The following PEAK1 variants were observed in gnomAD, a reference collection of about 807,000 sequenced individuals.
PEAK1 encodes the protein pseudopodium enriched atypical kinase 1, also known as inactive tyrosine-protein kinase PEAK1.
A neutral mutation model predicts 124.7 loss-of-function variants in PEAK1; 54 were observed. The ratio of observed to expected loss-of-function variants is 0.43; its 90% confidence interval spans 0.35 to 0.54. The LOEUF (loss-of-function observed/expected upper bound fraction) is 0.54, where lower values mean the gene tolerates loss of function less well. Ranked by LOEUF, PEAK1 falls within the 20% of genes least tolerant of loss-of-function variation. The pLI, the probability that PEAK1 is intolerant of heterozygous loss-of-function variation, is 0.01. For missense variants in PEAK1, 2,046 were observed against 2,134.5 expected (o/e 0.96, Z 0.82); for synonymous variants, 719 against 760.0 (o/e 0.95, Z 0.89).
chr15:77,114,977 A>G lies in PEAK1; in HGVS notation c.4420T>C (p.Phe1474Leu). 6.2e-7 allele frequency: 1 copy of G among 1,614,082 alleles called. No homozygotes were observed. The highest frequency in any genetic ancestry group is 2.2e-5 in the East Asian group (1 of 44,862). ...TGCTGGGCCAGAGAGTCTCGCACAA[A>G]ATCAGCCACAGTAAGACATGGAACC... is the stretch of plus-strand genomic sequence containing the variant. ...REVPCLTVAD[F>L]VRDSLAQHGK... is the part of the protein sequence containing the mutation. Residue 1474 changes from phenylalanine to leucine, a missense_variant, in exon 10 of 10, where the codon TTT becomes CTT. Transcript: ENST00000682557.
intron 6 of PEAK1, among the ~76,000 whole-genome samples, chr15:77,208,997 T>G (rs918235631): frequency 6.6e-6 from 1 of 152,230 alleles, no homozygotes; most frequent in Non-Finnish European, 1.5e-5. Context: ...AGTCTGTTCT[T>G]AACTATTTTT....
chr15:77,229,117 G>A (rs1026169527), intron 6 of PEAK1, among the ~76,000 whole-genome samples: 4 of 152,230 alleles, frequency 2.6e-5, no homozygotes, highest in African/African-American at 9.6e-5. Flanking sequence ...AGACTGTGGA[G>A]TACTCAACAG....
chr15:77,171,929 C>T (rs1424053807), intron 7 of PEAK1, among the ~76,000 whole-genome samples: 2 of 151,884 alleles, frequency 1.3e-5, no homozygotes, highest in Non-Finnish European at 2.9e-5. Flanking sequence ...AACTGAATTG[C>T]CTTATTTGCT....
At chr15:77,269,621 G>C (rs2061926421) in intron 5 of PEAK1, among the ~76,000 whole-genome samples, 1 of 151,960 alleles carries the variant, frequency 6.6e-6, no homozygotes, top group African/African-American at 2.4e-5. Flanking sequence ...AAGACAAAAA[G>C]TCAACAAAGA....
chr15:77,252,112 T>G (rs2060909641), intron 6 of PEAK1, among the ~76,000 whole-genome samples: 1 of 152,256 alleles, frequency 6.6e-6, no homozygotes, highest in Non-Finnish European at 1.5e-5. Context: ...TCAGATGGAC[T>G]TATAAATATA....
chr15:77,200,122 C>A (rs907786631), intron 6 of PEAK1, among the ~76,000 whole-genome samples: 2 of 152,206 alleles, frequency 1.3e-5, no homozygotes, highest in African/African-American at 4.8e-5. Context: ...ATAGCAAAAC[C>A]AACCCTTCTT....
rs367657011 is a variant in PEAK1, at chr15:77,178,847, T to C, written c.3080A>G (p.Asp1027Gly). Residue 1027 changes from aspartate to glycine, a missense_variant, in exon 7 of 10, where the codon GAC (aspartate) becomes GGC (glycine). By Grantham distance (94) the Asp-to-Gly change is moderately conservative. Transcript: ENST00000682557. Reference protein sequence around the residue: ...KGRAENALLQDSEKKRSHSSP... With the variant: ...KGRAENALLQGSEKKRSHSSP... ...AGAATGACTCCTCTTCTTCTCTGAG[T>C]CCTGTAGTAATGCATTCTCTGCTCT... The C allele has an allele frequency of 1.2e-6, 2 of 1,613,954 alleles. No individual in the cohort carries two copies. Among genetic ancestry groups the C allele is most frequent in the Non-Finnish European group, 1.7e-6 (2 of 1,179,984 alleles).
At chr15:77,241,989 C>G (rs1167817959) in intron 6 of PEAK1, among the ~76,000 whole-genome samples, 1 of 151,910 alleles carries the variant, frequency 6.6e-6, no homozygotes. Flanking sequence ...TTTTCCACAT[C>G]AATATTTTTC....
intron 2 of PEAK1, chr15:77,333,945 C>A (rs1193089743): frequency 5.0e-6 from 2 of 401,226 alleles, no homozygotes; most frequent in Non-Finnish European, 6.7e-6. Flanking sequence ...ACTTCTGAAT[C>A]AAAAATGTTA....
chr15:77,389,140 C>T (rs557903407), intron 1 of PEAK1, among the ~76,000 whole-genome samples: 1 of 152,032 alleles, frequency 6.6e-6, no homozygotes, highest in African/African-American at 2.4e-5. Context: ...TTTTTGTAGA[C>T]ACAAGGTTTC....
At chr15:77,123,545 T>C (rs976667008) in intron 9 of PEAK1, among the ~76,000 whole-genome samples, 6 of 152,206 alleles carry the variant, frequency 3.9e-5, no homozygotes, top group African/African-American at 1.2e-4. Flanking sequence ...ATTGTTCCTC[T>C]CTGGCCTTAG....
intron 2 of PEAK1, among the ~76,000 whole-genome samples, chr15:77,315,177 T>C (rs575805992): frequency 2.0e-5 from 3 of 152,370 alleles, no homozygotes; most frequent in African/African-American, 7.2e-5. Flanking sequence ...TTCCAGTGTT[T>C]AAACTTTGAC....
chr15:77,127,044 A>C (rs2052433076), intron 9 of PEAK1, among the ~76,000 whole-genome samples: 1 of 152,278 alleles, frequency 6.6e-6, no homozygotes, highest in East Asian at 1.9e-4. Flanking sequence ...GGAGGTAATT[A>C]ATTAAAAGAG....
rs569728404 is a variant in PEAK1, at chr15:77,199,446, T to C, written c.-114-17406A>G. Among the ~76,000 whole-genome samples, 207 of 152,196 alleles carry C rather than the reference T, an allele frequency of 1.4e-3. 1 individual carries two copies. The highest frequency in any genetic ancestry group is 4.9e-3 in the African/African-American group (202 of 41,520). On this transcript the variant is annotated intron_variant, in intron 6 of 9. Coordinates refer to ENST00000682557, the MANE Select transcript of PEAK1 (RefSeq NM_001385026.1). ...CATGTGGAAAGGACTGCCAACATTG[T>C]GAAAGAGAGCTCTGATAGAGAGAAC...
intron 1 of PEAK1, among the ~76,000 whole-genome samples, chr15:77,379,737 C>T (rs1314526431): frequency 2.6e-5 from 4 of 152,070 alleles, no homozygotes; most frequent in South Asian, 2.1e-4. Flanking sequence ...CTTTAGAAAA[C>T]GGGCCAGAAA....
intron 8 of PEAK1, among the ~76,000 whole-genome samples, chr15:77,139,414 C>T (rs2053592107): frequency 6.6e-6 from 1 of 152,174 alleles, no homozygotes; most frequent in African/African-American, 2.4e-5. Context: ...GTATTATGTA[C>T]TATACATAAT....
chr15:77,333,392 T>C, intron 2 of PEAK1: 1 of 981,472 alleles, frequency 1.0e-6, no homozygotes, highest in Non-Finnish European at 1.2e-6. Flanking sequence ...TTTTGTGGTT[T>C]CTAACTGAGT....
At chr15:77,335,402 T>C (rs563452750) in intron 2 of PEAK1, 2 of 985,290 alleles carry the variant, frequency 2.0e-6, no homozygotes, top group East Asian at 1.1e-4. Context: ...TTTAGATGGG[T>C]GAAGATAGGA....
intron 2 of PEAK1, among the ~76,000 whole-genome samples, chr15:77,293,632 T>C (rs992832759): frequency 6.6e-5 from 10 of 152,182 alleles, no homozygotes; most frequent in African/African-American, 1.9e-4. Flanking sequence ...ACTTTTATTA[T>C]AGAATTACTT....
Sources: allele counts gnomAD v4.1 joint callset (sites outside exome capture counted in the v4.1 genomes callset), GRCh38; gene constraint gnomAD v4.1.1; transcripts MANE v1.5; gene names NCBI Gene and HGNC (gene_info 2026-07-23, HGNC 2026-07-21).